Variants in QRICH2 observed in about 807,000 individuals in gnomAD.
QRICH2 encodes glutamine-rich protein 2.
In QRICH2, 119 loss-of-function variants were observed where a neutral mutation model predicts 168.3. The ratio of observed to expected loss-of-function variants is 0.71; its 90% CI spans 0.61 to 0.82. The LOEUF (loss-of-function observed/expected upper bound fraction) is 0.82. Ranked by LOEUF, QRICH2 falls within the 40% of genes least tolerant of loss-of-function variation. The pLI, the probability that QRICH2 is intolerant of heterozygous loss-of-function variation, is 0.00. For missense variants in QRICH2, 2,241 were observed against 2,491.6 expected (o/e 0.90, Z 2.14); for synonymous variants, 894 against 951.2 (o/e 0.94, Z 1.11).
intron 3 of QRICH2, among the ~76,000 whole-genome samples, chr17:76,300,897 C>A (rs558084401): frequency 2.9e-4 from 44 of 152,044 alleles, no homozygotes; most frequent in African/African-American, 9.6e-4. Context: ...ACTAAAAATA[C>A]AAAAAAATTA....
rs760966271 is a variant in QRICH2 at position 76,292,968 on chromosome 17, G to T, written c.1759C>A (p.Gln587Lys). The change falls in exon 4 of 19, where the codon CAG becomes AAG. Residue 587 changes from glutamine (Q) to lysine (K), a missense_variant. This residue lies in a region of QRICH2 where 2,047 missense variants were observed against 2,303.8 expected (regional missense o/e 0.89). Transcript: ENST00000680821. The part of the protein sequence containing the change: ...QRALVQRGAY[Q>K]PGLVQPGADQ... ...GCACCAGGTTGGACCAAGCCAGGCTGATATGCACCACGCTGCACCAAAGCA... is the reference window on the plus strand; with the variant it reads ...GCACCAGGTTGGACCAAGCCAGGCTTATATGCACCACGCTGCACCAAAGCA... 2 of 1,614,046 alleles carry T rather than the reference G, an allele frequency of 1.2e-6. No individual in the cohort carries two copies. The highest frequency in any genetic ancestry group is 1.7e-6 in the Non-Finnish European group (2 of 1,180,058).
rs762392774 is a variant in QRICH2, at chr17:76,293,708, T to C, written c.1019A>G (p.Asp340Gly). 1.2e-6 allele frequency: 2 copies of C among 1,614,148 alleles called. No individual in the cohort carries two copies. Among genetic ancestry groups the C allele is most frequent in the South Asian group, 2.2e-5 (2 of 91,076 alleles). Residue 340 changes from aspartate to glycine, a missense_variant, in exon 4 of 19, where the codon GAT becomes GGT. Physicochemically the swap from Asp to Gly is moderately conservative, Grantham distance 94. Coordinates refer to ENST00000680821, the MANE Select transcript of QRICH2 (RefSeq NM_001388453.1). ...SSTFQFKSDS[D>G]RHRSREKLTS... Reference sequence around the variant, plus strand: ...AAGCTTCTCTCTACTCCTGTGACGATCTGAGTCTGATTTGAATTGGAATGT... The same window carrying C: ...AAGCTTCTCTCTACTCCTGTGACGACCTGAGTCTGATTTGAATTGGAATGT...
At chr17:76,304,075 G>A (rs2070949825) in intron 3 of QRICH2, among the ~76,000 whole-genome samples, 1 of 152,064 alleles carries the variant, frequency 6.6e-6, no homozygotes. Context: ...GGTTGGCAAA[G>A]CTAAAAAAAT....
rs141060624 is a variant in QRICH2 at position 76,293,288 on chromosome 17, G to A, written c.1439C>T (p.Thr480Ile). 4 of 1,614,064 alleles carry A rather than the reference G, an allele frequency of 2.5e-6. No homozygotes were observed. In the African/African-American group the frequency reaches 4.0e-5, roughly 16 times the overall value. Residue 480 changes from threonine (T) to isoleucine (I), a missense_variant, in exon 4 of 19, where the codon ACA (threonine) becomes ATA (isoleucine). Physicochemically the swap from Thr to Ile is moderately conservative, Grantham distance 89. Around this residue, in one of 3 missense-constraint regions of QRICH2, gnomAD observed 2,047 missense variants for 2,303.8 expected, o/e 0.89. Transcript: ENST00000680821. ...AAGTGGTTCCATACTGCGTTGGTCT[G>A]TGCCAGGAAATGTCATACCATGCTG... ...AYQHGMTFPGTDQRSMEPLGM... is the reference protein window; with the variant it reads ...AYQHGMTFPGIDQRSMEPLGM...
intron 15 of QRICH2, 152 bp downstream of exon 15, chr17:76,277,837 C>G: frequency 1.3e-6 from 1 of 784,128 alleles, no homozygotes; most frequent in Non-Finnish European, 2.1e-6. Context: ...ATCACACACA[C>G]TAACACCCCT....
chr17:76,305,545 G>A (rs1347583636), intron 1 of QRICH2, among the ~76,000 whole-genome samples: 2 of 152,116 alleles, frequency 1.3e-5, no homozygotes, highest in East Asian at 3.9e-4. Context: ...GATGCAGTGG[G>A]GGACCTGGCT....
At chr17:76,297,612 T>C (rs1007232445) in intron 3 of QRICH2, among the ~76,000 whole-genome samples, 1 of 152,100 alleles carries the variant, frequency 6.6e-6, no homozygotes, top group African/African-American at 2.4e-5. Context: ...CAGGAAGACA[T>C]GACCCATAAT....
upstream of QRICH2, chr17:76,309,844 T>TA (rs1220442699): frequency 6.6e-6 from 1 of 152,242 alleles, no homozygotes; most frequent in Non-Finnish European, 1.5e-5. Context: ...TGTACTATTT[T>TA]AACTACTGTT....
At chr17:76,276,561 G>A in intron 17 of QRICH2, 119 bp downstream of exon 17, 1 of 683,398 alleles carries the variant, frequency 1.5e-6, no homozygotes, top group Non-Finnish European at 2.6e-6. Flanking sequence ...TTGGAGTGAG[G>A]GGAATGGAGA....
At chr17:76,285,911 G>A (rs146248069) in intron 7 of QRICH2, among the ~76,000 whole-genome samples, 19,748 of 151,794 alleles carry the variant, frequency 0.13, 1,851 homozygotes, top group African/African-American at 0.25. Context: ...GGTGGCTCAC[G>A]CCTATAATCC....
At position 76,274,178 on chromosome 17, in the gene QRICH2, G is replaced by A. The variant is rs199860210; in HGVS notation, c.5565C>T (p.Ala1855=). The change falls in exon 19 of 19, where the codon GCC becomes GCT. Residue 1855 remains alanine (A), a synonymous_variant. Transcript: ENST00000680821. ...TCTCCAGCCCCCTGTTTGCCACCGC[G>A]GCGGAGCTGGGCGGGTGGGCTGTGT... is the stretch of plus-strand genomic sequence containing the variant. ...QPNTAHPPSS[A]AVANRGLERH... 694 of 1,585,930 alleles carry A rather than the reference G, an allele frequency of 4.4e-4. No individual in the cohort carries two copies. The highest frequency in any genetic ancestry group is 5.4e-4 in the Non-Finnish European group (637 of 1,171,064).
chr17:76,308,084 G>A lies in QRICH2; in HGVS notation c.-86C>T, dbSNP rs913591254. 7 of 1,226,790 alleles carry A rather than the reference G, an allele frequency of 5.7e-6. No homozygotes were observed. Among genetic ancestry groups the A allele is most frequent in the African/African-American group, 4.7e-5 (3 of 63,938 alleles). 76.0% of individuals were successfully genotyped at this position (1,226,790 alleles called of 1,614,324 possible). A position where few individuals can be genotyped will look rare whatever the true frequency, so the allele number is the denominator to read the frequency against. The stretch of plus-strand genomic sequence containing the variant: ...CACGCCGCGCCTTGGGGCCTTTCGG[G>A]GGCCCTGCGAGGTCCTCGGGGCGCC... On this transcript the variant is annotated 5_prime_UTR_variant, in exon 1 of 19. Coordinates refer to ENST00000680821, the MANE Select transcript of QRICH2 (RefSeq NM_001388453.1).
intron 2 of QRICH2, 64 bp from the exon 3 acceptor site, chr17:76,304,589 A>G: frequency 8.3e-7 from 1 of 1,204,572 alleles, no homozygotes; most frequent in Middle Eastern, 1.9e-4. Flanking sequence ...CTTTAGGAAC[A>G]GACTTGGTCT....
Position 76,280,557 on chromosome 17 carries a change from A to ACACTCGT in QRICH2, c.4461+90_4461+96dup. ...TCACCAGGCAGGTTTCTGAGAGCCCACACTCGTCTCGCCAGCTCCCCTCCA... is the reference window on the plus strand; with the variant it reads ...TCACCAGGCAGGTTTCTGAGAGCCCACACTCGTCACTCGTCTCGCCAGCTCCCCTCCA... On this transcript the variant is annotated intron_variant, in intron 10 of 18. Coordinates refer to ENST00000680821, the MANE Select transcript of QRICH2 (RefSeq NM_001388453.1). The surrounding 1 kb of genome is among the most constrained non-coding windows in gnomAD (Gnocchi z 7.4). 6.3e-7 allele frequency: 1 copy of ACACTCGT among 1,594,916 alleles called. No homozygotes were observed. The highest frequency in any genetic ancestry group is 8.6e-7 in the Non-Finnish European group (1 of 1,165,648).
chr17:76,308,416 G>A (rs1035846980), upstream of QRICH2: 2 of 985,372 alleles, frequency 2.0e-6, no homozygotes, highest in Non-Finnish European at 2.4e-6. Context: ...GGCCTCCTAA[G>A]ATCCAGCTAG....
Position 76,293,406 on chromosome 17 carries a change from G to A in QRICH2, c.1321C>T (p.Arg441Cys), listed in dbSNP as rs760432437. The A allele has an allele frequency of 1.5e-5, 25 of 1,614,008 alleles. No homozygotes were observed. The highest frequency in any genetic ancestry group is 1.2e-4 in the African/African-American group (9 of 74,904). The change falls in exon 4 of 19, where the codon CGT (arginine) becomes TGT (cysteine). Residue 441 changes from arginine to cysteine, a missense_variant. This residue lies in a region of QRICH2 where 2,047 missense variants were observed against 2,303.8 expected (regional missense o/e 0.89). Transcript: ENST00000680821. ...ELIPFVVDEQ[R>C]MLPPSVPGRD... ...CCAGGTACTGATGGTGGCAACATAC[G>A]TTGCTCATCCACGACAAATGGTATC...
At position 76,292,261 on chromosome 17, in the gene QRICH2, G is replaced by C. The variant is rs6501876; in HGVS notation, c.2466C>G (p.Val822=). The change falls in exon 4 of 19, where the codon GTC becomes GTG. Residue 822 remains valine (V), a synonymous_variant. Coordinates refer to ENST00000680821, the MANE Select transcript of QRICH2 (RefSeq NM_001388453.1). ...AACCACGCTGATCCACTCCAGGTTG[G>C]ACCAAACCACGCTGAACTGCACCAG... ...VQPGAVQRGL[V]QPGVDQRGLV... is the part of the protein sequence containing the mutation. 520 of 1,596,908 alleles carry C rather than the reference G, an allele frequency of 3.3e-4. 2 individuals carry two copies. Among genetic ancestry groups the C allele is most frequent in the Non-Finnish European group, 2.3e-4 (274 of 1,174,716 alleles).
At chr17:76,287,987 C>T (rs750718922) in intron 5 of QRICH2, 90 bp from the exon 6 acceptor site, 24 of 1,027,010 alleles carry the variant, frequency 2.3e-5, no homozygotes, top group Middle Eastern at 2.2e-4. Flanking sequence ...CAGCCCTCCC[C>T]GTTCCCTCTA....
At chr17:76,303,648 A>T (rs1250527798) in intron 3 of QRICH2, among the ~76,000 whole-genome samples, 2 of 151,926 alleles carry the variant, frequency 1.3e-5, no homozygotes, top group African/African-American at 4.8e-5. Flanking sequence ...AGGCGGGCGG[A>T]TCACGAGGTG....
Sources: allele counts gnomAD v4.1 joint callset (sites outside exome capture counted in the v4.1 genomes callset), GRCh38; gene constraint gnomAD v4.1.1; regional missense constraint gnomAD v4.1.1; non-coding constraint Gnocchi (gnomAD v3.1); transcripts MANE v1.5; gene names NCBI Gene and HGNC (gene_info 2026-07-23, HGNC 2026-07-21).